Variants in SZT2 observed in about 807,000 individuals in gnomAD.
SZT2 encodes the protein KICSTOR complex protein SZT2.
SZT2 carries 216 observed loss-of-function variants against 404.2 expected under a neutral mutation model. That is an observed-to-expected ratio of 0.53 (90% CI 0.48 to 0.60). The LOEUF is 0.60. Ranked by LOEUF, SZT2 falls within the 20% of genes least tolerant of loss-of-function variation. SZT2 has a pLI of 0.00. For synonymous variants in SZT2, 1,693 were observed against 1,749.9 expected, an observed-to-expected ratio of 0.97 and a Z score of 0.81; for missense variants, 3,857 against 4,459.2, an observed-to-expected ratio of 0.86 and a Z score of 3.85.
Position 43,389,943 on chromosome 1 carries a change from C to T in SZT2, c.-26C>T, listed in dbSNP as rs780152293. The stretch of plus-strand genomic sequence containing the variant: ...TCAAGAGTGGAACACCCTCACTGGC[C>T]CGGGCCGGCGCGGGAGGGCTGTGTG... On this transcript the variant is annotated 5_prime_UTR_variant, in exon 1 of 72. Transcript: ENST00000634258. The T allele has an allele frequency of 3.4e-6, 5 of 1,471,648 alleles. No homozygotes were observed. The highest frequency in any genetic ancestry group is 4.5e-6 in the Non-Finnish European group (5 of 1,111,848). The allele number at this position is 1,471,648 out of a possible 1,614,324, so 91.2% of individuals were successfully genotyped here.
At chr1:43,436,350 A>G (rs1654458663) in intron 42 of SZT2, 1 of 152,228 alleles carries the variant, frequency 6.6e-6, no homozygotes, top group Non-Finnish European at 1.5e-5. Flanking sequence ...TTTCAAAGGC[A>G]TCTTCTGCAA....
rs754090521 is a variant in SZT2, at chr1:43,448,413, G to A, written c.9898G>A (p.Ala3300Thr). The part of the protein sequence containing the change: ...PDRLRLGGRL[A>T]LAELEELLEA... ...TCGACTGCGGCTAGGGGGGCGCCTG[G>A]CCCTGGCAGAGCTGGAGGAACTCCT... Residue 3300 changes from alanine to threonine, a missense_variant, in exon 69 of 72, where the codon GCC becomes ACC. This residue lies in a region of SZT2 where 717 missense variants were observed against 868.2 expected (regional missense o/e 0.83). Transcript: ENST00000634258. The surrounding 1 kb of genome is among the most constrained non-coding windows in gnomAD (Gnocchi z 4.2). 4 of 1,589,750 alleles carry A rather than the reference G, an allele frequency of 2.5e-6. No homozygotes were observed. The highest frequency in any genetic ancestry group is 3.4e-6 in the Non-Finnish European group (4 of 1,168,322).
chr1:43,422,448 G>T (rs1309606868), intron 12 of SZT2, 32 bp from the exon 13 acceptor site: 4 of 1,542,798 alleles, frequency 2.6e-6, no homozygotes, highest in Non-Finnish European at 3.5e-6. Context: ...GGGGCCTGGA[G>T]GTCTAACCTC....
chr1:43,402,671 G>C (rs1287124168), intron 1 of SZT2, among the ~76,000 whole-genome samples: 1 of 152,324 alleles, frequency 6.6e-6, no homozygotes, highest in South Asian at 2.1e-4. Context: ...AAGTGCGGGG[G>C]TGGGGACTGT....
chr1:43,428,401 G>C lies in SZT2; in HGVS notation c.4081G>C (p.Gly1361Arg), dbSNP rs761153466. The change falls in exon 28 of 72, where the codon GGT becomes CGT. Residue 1361 changes from glycine (G) to arginine (R), a missense_variant. Transcript: ENST00000634258. ...TTTGCCTCATGCACCCCCAAGTCCT[G>C]GTCCTCTCAGCCCTGGGCCCTTCAG... ...WGLPHAPPSP[G>R]PLSPGPFSSS... 1.2e-6 allele frequency: 2 copies of C among 1,614,146 alleles called. No individual in the cohort carries two copies. Among genetic ancestry groups the C allele is most frequent in the Non-Finnish European group, 1.7e-6 (2 of 1,180,020 alleles).
Position 43,435,232 on chromosome 1 carries a change from CGT to C in SZT2, c.5942_5943del (p.Cys1981Ter). On this transcript the variant is annotated frameshift_variant, in exon 42 of 72. Coordinates refer to ENST00000634258, the MANE Select transcript of SZT2 (RefSeq NM_001365999.1). LOFTEE classifies it high-confidence loss of function. ...LLLQDLHDSH[V>X]CNSLLVAESE... is the part of the protein sequence containing the mutation. ...TTCTTCAAGACCTTCATGACAGCCA[CGT>C]GTGTAACTCTCTTCTGGTGGCCGAG... The C allele has an allele frequency of 6.2e-7, 1 of 1,614,224 alleles. No individual in the cohort carries two copies. The highest frequency in any genetic ancestry group is 8.5e-7 in the Non-Finnish European group (1 of 1,180,046).
rs940303795 is a variant in SZT2, at chr1:43,441,087, C to T, written c.7345-127C>T. ...ACCTGCCCAAGGCTCCTTAGCCAGC[C>T]CCTGGGGAAGCCAGGGTCTGAACCC... On this transcript the variant is annotated intron_variant, in intron 52 of 71. Coordinates refer to ENST00000634258, the MANE Select transcript of SZT2 (RefSeq NM_001365999.1). The surrounding 1 kb of genome is among the most constrained non-coding windows in gnomAD (Gnocchi z 4.8). The T allele has an allele frequency of 3.3e-6, 4 of 1,226,176 alleles. No homozygotes were observed. The highest frequency in any genetic ancestry group is 4.6e-6 in the Non-Finnish European group (4 of 877,086). 76.0% of individuals were successfully genotyped at this position (1,226,176 alleles called of 1,614,324 possible).
At position 43,425,986 on chromosome 1, in the gene SZT2, A is replaced by G; in HGVS notation, c.2929+37A>G. On this transcript the variant is annotated intron_variant, in intron 20 of 71. Transcript: ENST00000634258. The surrounding 1 kb of genome is among the most constrained non-coding windows in gnomAD (Gnocchi z 4.3). ...AGGCGGCCCACTGGTGGAGCAGGGG[A>G]GTGGGTAGGGTAATCTGCGTCTCAC... The G allele has an allele frequency of 6.2e-7, 1 of 1,612,298 alleles. No individual in the cohort carries two copies. Among genetic ancestry groups the G allele is most frequent in the Non-Finnish European group, 8.5e-7 (1 of 1,178,628 alleles).
rs2842182 is a variant in SZT2 at position 43,438,024 on chromosome 1, A to G, written c.6508+122A>G. 0.64 allele frequency: 620,883 copies of G among 975,734 alleles called. 199,969 individuals are homozygous for G. Among genetic ancestry groups the G allele is most frequent in the African/African-American group, 0.68 (42,488 of 62,304 alleles). 60.4% of individuals were successfully genotyped at this position (975,734 alleles called of 1,614,324 possible). ...TGTAACAGTCTCAGCCCAAGACCTG[A>G]CACATGTTAAGTGAGCCATAAATAC... On this transcript the variant is annotated intron_variant, in intron 46 of 71. Coordinates refer to ENST00000634258, the MANE Select transcript of SZT2 (RefSeq NM_001365999.1).
chr1:43,419,866 C>T lies in SZT2; in HGVS notation c.1012C>T (p.Leu338=). Residue 338 remains leucine, a synonymous_variant, in exon 8 of 72, where the codon CTG becomes TTG. Transcript: ENST00000634258. The part of the protein sequence containing the change: ...CPEPEPGNLG[L]TVYHRAFLLY... ...TGAGCCGGAGCCAGGCAACCTGGGTCTGACTGTCTACCACCGGGCATTTCT... is the reference window on the plus strand; with the variant it reads ...TGAGCCGGAGCCAGGCAACCTGGGTTTGACTGTCTACCACCGGGCATTTCT... 1.3e-6 allele frequency: 2 copies of T among 1,598,428 alleles called. No homozygotes were observed. The highest frequency in any genetic ancestry group is 1.7e-6 in the Non-Finnish European group (2 of 1,179,800).
In SZT2 at chr1:43,403,103, T is replaced by C. The variant is rs931640253; in HGVS notation, c.28-74T>C. ...ATGGTGAGTTCCTTGGGCAAATTATTTGGACAGTGATCTGTGTGTTCCAGG... is the reference window on the plus strand; with the variant it reads ...ATGGTGAGTTCCTTGGGCAAATTATCTGGACAGTGATCTGTGTGTTCCAGG... On this transcript the variant is annotated intron_variant, in intron 1 of 71. Transcript: ENST00000634258. The C allele has an allele frequency of 2.9e-5, 45 of 1,531,460 alleles. No individual in the cohort carries two copies. In the Admixed American group the frequency reaches 4.0e-4, roughly 14 times the overall value. 94.9% of individuals were successfully genotyped at this position (1,531,460 alleles called of 1,614,324 possible).
chr1:43,419,144 C>T (rs1386712577), intron 7 of SZT2, among the ~76,000 whole-genome samples: 1 of 152,200 alleles, frequency 6.6e-6, no homozygotes, highest in Non-Finnish European at 1.5e-5. Context: ...GCTGTTGAAG[C>T]GTGAAAGCAG....
At chr1:43,411,995 G>C (rs1470835052) in intron 4 of SZT2, 1 of 151,880 alleles carries the variant, frequency 6.6e-6, no homozygotes, top group African/African-American at 2.4e-5. Flanking sequence ...GGCCAGGCTG[G>C]TCTTGAACTC....
At chr1:43,422,698 C>A in intron 13 of SZT2, 66 bp downstream of exon 13, 1 of 1,216,118 alleles carries the variant, frequency 8.2e-7, no homozygotes, top group Middle Eastern at 2.2e-4. Context: ...CCCATGTCTC[C>A]CTCTAACCCC....
intron 5 of SZT2, among the ~76,000 whole-genome samples, chr1:43,415,634 T>A (rs1570605161): frequency 6.6e-6 from 1 of 152,304 alleles, no homozygotes; most frequent in East Asian, 1.9e-4. Flanking sequence ...ACTGGTCATG[T>A]AATTTGATTG....
rs766898982 is a variant in SZT2, at chr1:43,435,329, G to A, written c.6034G>A (p.Asp2012Asn). Reference sequence around the variant, plus strand: ...TCAGCGGGCACCACTGCCCAGTGATGGTGAGATCCCACCCAGGAGCCTCCC... The same window carrying A: ...TCAGCGGGCACCACTGCCCAGTGATAGTGAGATCCCACCCAGGAGCCTCCC... ...SRQRAPLPSD[D>N]YAADESCAPR... The change falls in exon 42 of 72, where the codon GAT becomes AAT. Residue 2012 changes from aspartate (D) to asparagine (N), a missense_variant and splice_region_variant. By Grantham distance (23) the Asp-to-Asn change is conservative. Coordinates refer to ENST00000634258, the MANE Select transcript of SZT2 (RefSeq NM_001365999.1). 1 of 1,613,922 alleles carries A rather than the reference G, an allele frequency of 6.2e-7. No individual in the cohort carries two copies. The highest frequency in any genetic ancestry group is 8.5e-7 in the Non-Finnish European group (1 of 1,179,926).
chr1:43,429,532 A>T, intron 28 of SZT2, 171 bp from the exon 29 acceptor site: 2 of 707,954 alleles, frequency 2.8e-6, no homozygotes, highest in South Asian at 3.9e-5. Flanking sequence ...TGGAGGTTAA[A>T]GCCAAAATGT....
Position 43,453,975 on chromosome 1 carries a change from CGA to C in SZT2, c.*3501_*3502del, listed in dbSNP as rs1218514016. 5 of 1,190,280 alleles carry C rather than the reference CGA, an allele frequency of 4.2e-6. No homozygotes were observed. The highest frequency in any genetic ancestry group is 4.2e-6 in the Non-Finnish European group (4 of 961,598). The allele number at this position is 1,190,280 out of a possible 1,614,324, so 73.7% of individuals were successfully genotyped here. A position where few individuals can be genotyped will look rare whatever the true frequency, so the allele number is the denominator to read the frequency against. On this transcript the variant is annotated 3_prime_UTR_variant, in exon 72 of 72. Transcript: ENST00000634258. Reference sequence around the variant, plus strand: ...CTTCACGAAAAGCGCCTACGGTTAGCGAGAGAGGGATCACGGGGAGAGGCGAA... The same window carrying C: ...CTTCACGAAAAGCGCCTACGGTTAGCGAGAGGGATCACGGGGAGAGGCGAA...
intron 3 of SZT2, 135 bp downstream of exon 3, chr1:43,403,909 G>A (rs1649982534): frequency 1.9e-6 from 2 of 1,030,692 alleles, no homozygotes; most frequent in East Asian, 4.8e-5. Flanking sequence ...GGAATGATGG[G>A]TGTTTAAAAA....
Sources: allele counts gnomAD v4.1 joint callset (sites outside exome capture counted in the v4.1 genomes callset), GRCh38; gene constraint gnomAD v4.1.1; regional missense constraint gnomAD v4.1.1; non-coding constraint Gnocchi (gnomAD v3.1); transcripts MANE v1.5; gene names NCBI Gene and HGNC (gene_info 2026-07-23, HGNC 2026-07-21).